VPS54: variants seen among roughly 807,000 people sequenced by gnomAD.
The protein encoded by VPS54 is vacuolar protein sorting-associated protein 54.
In VPS54, 45 loss-of-function variants were observed where a neutral mutation model predicts 121.5. The observed-to-expected ratio is 0.37, with a 90% CI of 0.29 to 0.47. The LOEUF (loss-of-function observed/expected upper bound fraction) is 0.47, where lower values mean the gene tolerates loss of function less well. VPS54 is among the 20% of genes least tolerant of loss of function. The probability of loss-of-function intolerance (pLI) is 0.99; values close to 1 mark genes in which losing one functional copy is unlikely to be tolerated. For missense variants in VPS54, 1,090 were observed against 1,131.4 expected (o/e 0.96, Z 0.52); for synonymous variants, 371 against 385.8 (o/e 0.96, Z 0.45).
At chr2:64,003,832 C>A (rs1173146226) in intron 1 of VPS54, among the ~76,000 whole-genome samples, 1 of 152,090 alleles carries the variant, frequency 6.6e-6, no homozygotes. Flanking sequence ...AGAAGCATTG[C>A]CTCCCCCAAC....
intron 1 of VPS54, among the ~76,000 whole-genome samples, chr2:64,007,280 C>T (rs375128510): frequency 1.3e-5 from 2 of 152,028 alleles, no homozygotes; most frequent in Admixed American, 6.6e-5. Flanking sequence ...AAATTGTGCC[C>T]GTGGGAGAGA....
intron 5 of VPS54, among the ~76,000 whole-genome samples, chr2:63,966,783 T>C (rs1284138654): frequency 6.6e-6 from 1 of 152,252 alleles, no homozygotes; most frequent in African/African-American, 2.4e-5. Context: ...TCCCACTATT[T>C]ACCCATTACA....
chr2:63,938,045 TGTGTGGTGTGTGTG>T (rs1377292410), intron 11 of VPS54, among the ~76,000 whole-genome samples: 4 of 127,648 alleles, frequency 3.1e-5, no homozygotes, highest in Admixed American at 1.6e-4. Context: ...AACGTGTGTG[TGTGTGGTGTGTGTG>T]GTGTGTGTGT....
At chr2:63,990,412 A>G (rs1677263582) in intron 1 of VPS54, among the ~76,000 whole-genome samples, 1 of 151,998 alleles carries the variant, frequency 6.6e-6, no homozygotes, top group Non-Finnish European at 1.5e-5. Context: ...GGACCAAACT[A>G]CAATTTACCT....
chr2:63,957,441 C>CAAAAAAAAAAAAAAAA (rs10551633), intron 7 of VPS54, among the ~76,000 whole-genome samples: 2 of 90,120 alleles, frequency 2.2e-5, no homozygotes, highest in Admixed American at 1.2e-4. Context: ...GACTCCATCT[C>CAAAAAAAAAAAAAAAA]AAAAAAAAAA....
chr2:63,983,116 T>TA (rs528281701), intron 2 of VPS54, among the ~76,000 whole-genome samples: 1 of 151,310 alleles, frequency 6.6e-6, no homozygotes, highest in African/African-American at 2.4e-5. Context: ...TGAAATACAT[T>TA]AAAAAAAAAT....
intron 8 of VPS54, among the ~76,000 whole-genome samples, chr2:63,948,413 G>A (rs1202918026): frequency 3.3e-5 from 4 of 121,090 alleles, no homozygotes; most frequent in African/African-American, 1.1e-4. Flanking sequence ...TCACTTTTTC[G>A]GTTTTTTTTT....
At chr2:63,953,002 T>C (rs1025585536) in intron 7 of VPS54, among the ~76,000 whole-genome samples, 1 of 152,032 alleles carries the variant, frequency 6.6e-6, no homozygotes, top group Non-Finnish European at 1.5e-5. Flanking sequence ...TAAATAGATA[T>C]TACTCACTTT....
intron 12 of VPS54, among the ~76,000 whole-genome samples, chr2:63,921,950 C>T (rs1028825532): frequency 6.6e-6 from 1 of 152,168 alleles, no homozygotes; most frequent in Non-Finnish European, 1.5e-5. Context: ...TGTGCATAGG[C>T]ACCTAGGATG....
chr2:63,920,954 A>G (rs1448234728), intron 13 of VPS54, among the ~76,000 whole-genome samples: 2 of 152,156 alleles, frequency 1.3e-5, no homozygotes, highest in African/African-American at 4.8e-5. Flanking sequence ...TTAATTTCAA[A>G]TTAGTTATTA....
intron 17 of VPS54, 38 bp downstream of exon 17, chr2:63,914,144 C>T (rs748725980): frequency 3.9e-6 from 6 of 1,527,776 alleles, no homozygotes; most frequent in Middle Eastern, 1.7e-4. Flanking sequence ...ATTAATTCCT[C>T]GAAAAATTTT....
intron 7 of VPS54, among the ~76,000 whole-genome samples, chr2:63,951,468 G>GA (rs1204254159): frequency 6.6e-6 from 1 of 152,012 alleles, no homozygotes; most frequent in African/African-American, 2.4e-5. Context: ...CTGGAGAGAG[G>GA]AACTGCTCAA....
intron 3 of VPS54, among the ~76,000 whole-genome samples, chr2:63,978,666 C>T (rs919302601): frequency 6.6e-6 from 1 of 152,094 alleles, no homozygotes; most frequent in African/African-American, 2.4e-5. Context: ...GTCACCCAGG[C>T]TGGAGTGGAA....
chr2:63,924,917 T>C (rs1275559626), intron 12 of VPS54, among the ~76,000 whole-genome samples: 1 of 152,212 alleles, frequency 6.6e-6, no homozygotes, highest in Non-Finnish European at 1.5e-5. Context: ...CAATTCTAGA[T>C]GGATTGTAGG....
At chr2:63,962,784 AAG>A (rs1675827806) in intron 6 of VPS54, among the ~76,000 whole-genome samples, 1 of 152,124 alleles carries the variant, frequency 6.6e-6, no homozygotes, top group African/African-American at 2.4e-5. Flanking sequence ...ATCTGAGAGA[AAG>A]AGAATGATCT....
At chr2:63,927,651 G>A (rs560666626) in intron 12 of VPS54, among the ~76,000 whole-genome samples, 22 of 152,266 alleles carry the variant, frequency 1.4e-4, no homozygotes, top group South Asian at 8.3e-4. Context: ...AAAACTGGAC[G>A]GAGAATGAGT....
rs112244376 is a variant in VPS54, at chr2:64,017,756, C to T, written c.-21+1182G>A. ...TGTAATAATTCTTAAGTTATCAGAA[C>T]ATAATTTAAAAATAGCCAAATTACA... On this transcript the variant is annotated intron_variant, in intron 1 of 22. Transcript: ENST00000272322. Among the ~76,000 whole-genome samples, 1,508 of 152,320 alleles carry T rather than the reference C, an allele frequency of 9.9e-3. 10 individuals are homozygous for T. Among genetic ancestry groups the T allele is most frequent in the Non-Finnish European group, 0.015 (1,006 of 68,024 alleles).
At chr2:64,007,518 T>C (rs1678218112) in intron 1 of VPS54, among the ~76,000 whole-genome samples, 1 of 152,218 alleles carries the variant, frequency 6.6e-6, no homozygotes, top group African/African-American at 2.4e-5. Context: ...TAATGAAGAA[T>C]TAACTACTTT....
At chr2:63,898,419 CAG>C (rs973614476) in intron 21 of VPS54, among the ~76,000 whole-genome samples, 2 of 152,180 alleles carry the variant, frequency 1.3e-5, no homozygotes, top group African/African-American at 4.8e-5. Context: ...CTTCAGTCCT[CAG>C]TGAGTCCCAA....
Sources: allele counts gnomAD v4.1 joint callset (sites outside exome capture counted in the v4.1 genomes callset), GRCh38; gene constraint gnomAD v4.1.1; transcripts MANE v1.5; gene names NCBI Gene and HGNC (gene_info 2026-07-23, HGNC 2026-07-21).